The following ELP4 variants were observed in gnomAD, a reference collection of about 807,000 sequenced individuals.
The protein encoded by ELP4 is elongator acetyltransferase complex subunit 4, also known as elongator complex protein 4.
Under a neutral mutation model 48.9 loss-of-function variants are expected in ELP4, and 51 were observed. That is an observed-to-expected ratio of 1.04 (90% CI 0.83 to 1.32). ELP4 has a LOEUF of 1.32. ELP4 is among the 40% of genes most tolerant of loss of function. The pLI is 0.00. For missense variants in ELP4, 519 were observed against 514.6 expected, an observed-to-expected ratio of 1.01 and a Z score of -0.08; for synonymous variants, 210 against 189.2, an observed-to-expected ratio of 1.11 and a Z score of -0.90.
At chr11:31,653,418 T>A (rs1945363304) in intron 9 of ELP4, 1 of 151,782 alleles carries the variant, frequency 6.6e-6, no homozygotes, top group Non-Finnish European at 1.5e-5. Context: ...CGAATTTACC[T>A]AACCTTGCCT....
At chr11:31,512,822 C>G (rs1592071207) in intron 1 of ELP4, among the ~76,000 whole-genome samples, 1 of 145,062 alleles carries the variant, frequency 6.9e-6, no homozygotes, top group South Asian at 2.3e-4. Flanking sequence ...CCACCCAACC[C>G]CATTCCCTGT....
At chr11:31,597,566 A>G (rs1174160901) in intron 4 of ELP4, among the ~76,000 whole-genome samples, 8 of 150,784 alleles carry the variant, frequency 5.3e-5, no homozygotes, top group African/African-American at 1.9e-4. Context: ...TAATTTTTCT[A>G]TTGCTGTGTC....
chr11:31,647,792 C>T lies in ELP4; in HGVS notation c.979C>T (p.Leu327=). Residue 327 remains leucine (L), a synonymous_variant, in exon 8 of 10, where the codon CTG becomes TTG. Coordinates refer to ENST00000640961, the MANE Select transcript of ELP4 (RefSeq NM_019040.5). ...VTTLSDVVVG[L]ESFIGSERET... is the part of the protein sequence containing the mutation. ...AACCTTGTCAGATGTAGTAGTTGGTCTGGAATCATTTATTGGTTCTGAGAG... is the reference window on the plus strand; with the variant it reads ...AACCTTGTCAGATGTAGTAGTTGGTTTGGAATCATTTATTGGTTCTGAGAG... 1 of 1,609,720 alleles carries T rather than the reference C, an allele frequency of 6.2e-7. No individual in the cohort carries two copies. Among genetic ancestry groups the T allele is most frequent in the South Asian group, 1.1e-5 (1 of 90,952 alleles).
intron 9 of ELP4, chr11:31,767,626 T>C (rs1300091652): frequency 1.3e-5 from 2 of 152,208 alleles, no homozygotes; most frequent in Non-Finnish European, 2.9e-5. Flanking sequence ...CATTTATCTA[T>C]ATACTCACAA....
In ELP4 at chr11:31,788,615, A is replaced by G. The variant is rs940334280; in HGVS notation, c.*5091A>G. On this transcript the variant is annotated 3_prime_UTR_variant, in exon 10 of 10. Transcript: ENST00000640961. ...TGAAAATGCCAGTCCTAATTCAAAA[A>G]ACAATTCCTAGCTAATCGCTTGTTG... 1 of 219,918 alleles carries G rather than the reference A, an allele frequency of 4.5e-6. No homozygotes were observed. Among genetic ancestry groups the G allele is most frequent in the Non-Finnish European group, 9.1e-6 (1 of 109,520 alleles). 13.6% of individuals were successfully genotyped at this position (219,918 alleles called of 1,614,324 possible).
At chr11:31,778,747 C>A (rs1376773948) in intron 9 of ELP4, among the ~76,000 whole-genome samples, 1 of 152,222 alleles carries the variant, frequency 6.6e-6, no homozygotes, top group East Asian at 1.9e-4. Flanking sequence ...CTGTCACTCT[C>A]TGCCTCTGTG....
rs534139390 is a variant in ELP4 at position 31,783,570 on chromosome 11, T to C, written c.*46T>C. ...CATGCAGAATTCTATGACACTCTAA[T>C]TATGATTGCTAATAGCTTATGTAAA... On this transcript the variant is annotated 3_prime_UTR_variant, in exon 10 of 10. Coordinates refer to ENST00000640961, the MANE Select transcript of ELP4 (RefSeq NM_019040.5). The C allele has an allele frequency of 2.1e-4, 329 of 1,567,386 alleles. No homozygotes were observed. Among genetic ancestry groups the C allele is most frequent in the Non-Finnish European group, 2.6e-4 (297 of 1,146,818 alleles).
intron 9 of ELP4, among the ~76,000 whole-genome samples, chr11:31,754,350 A>G (rs1404460180): frequency 1.3e-5 from 2 of 152,000 alleles, no homozygotes; most frequent in Admixed American, 1.3e-4. Flanking sequence ...CTCACAACTC[A>G]TTCCCTAGCA....
chr11:31,542,429 G>A (rs990603497), intron 3 of ELP4, among the ~76,000 whole-genome samples: 11 of 152,182 alleles, frequency 7.2e-5, no homozygotes, highest in African/African-American at 2.7e-4. Flanking sequence ...ACGAGGAGAT[G>A]GCCTGAGGCT....
intron 9 of ELP4, among the ~76,000 whole-genome samples, chr11:31,746,404 T>C (rs1259922987): frequency 2.0e-5 from 3 of 152,154 alleles, no homozygotes; most frequent in Non-Finnish European, 4.4e-5. Flanking sequence ...ACCCAAAGGA[T>C]TATAAATCAT....
At chr11:31,701,731 T>C (rs948176072) in intron 9 of ELP4, among the ~76,000 whole-genome samples, 2 of 150,062 alleles carry the variant, frequency 1.3e-5, no homozygotes, top group Non-Finnish European at 3.0e-5. Flanking sequence ...TATACACACA[T>C]TATATATATT....
intron 3 of ELP4, among the ~76,000 whole-genome samples, chr11:31,554,190 A>C (rs1956895209): frequency 5.9e-5 from 9 of 152,294 alleles, no homozygotes; most frequent in Admixed American, 5.9e-4. Flanking sequence ...TCAGTGTAAT[A>C]ATGATAGAAA....
chr11:31,567,652 A>G (rs2996464), intron 3 of ELP4, among the ~76,000 whole-genome samples: 37,866 of 152,122 alleles, frequency 0.25, 5,254 homozygotes, highest in Non-Finnish European at 0.32. Context: ...ATATAAAGGC[A>G]TACCTTGGAG....
chr11:31,650,485 A>G (rs931257647), intron 9 of ELP4: 28 of 305,086 alleles, frequency 9.2e-5, no homozygotes, highest in African/African-American at 2.6e-4. Flanking sequence ...CATGATAAAT[A>G]TGATATGCAT....
chr11:31,739,338 A>G (rs532503387), intron 9 of ELP4, among the ~76,000 whole-genome samples: 1 of 152,292 alleles, frequency 6.6e-6, no homozygotes, highest in East Asian at 1.9e-4. Context: ...TTTATTATGG[A>G]TGTCAGAGGA....
intron 9 of ELP4, among the ~76,000 whole-genome samples, chr11:31,703,122 G>A (rs1207493117): frequency 2.6e-5 from 4 of 152,114 alleles, no homozygotes; most frequent in Non-Finnish European, 5.9e-5. Context: ...CTTTGTACTT[G>A]ACTTGCTAAG....
intron 9 of ELP4, among the ~76,000 whole-genome samples, chr11:31,760,835 A>C (rs1947929770): frequency 6.6e-6 from 1 of 152,220 alleles, no homozygotes; most frequent in South Asian, 2.1e-4. Context: ...TATGTTTCTG[A>C]GTGATCAGAT....
intron 3 of ELP4, among the ~76,000 whole-genome samples, chr11:31,594,523 G>A (rs775145692): frequency 6.6e-6 from 1 of 152,044 alleles, no homozygotes; most frequent in African/African-American, 2.4e-5. Flanking sequence ...ATTGATTTTT[G>A]TGAGTATAGA....
At chr11:31,697,966 A>T (rs572503505) in intron 9 of ELP4, among the ~76,000 whole-genome samples, 5 of 151,486 alleles carry the variant, frequency 3.3e-5, no homozygotes, top group East Asian at 1.9e-4. Context: ...CTTTTTTTTT[A>T]AAAGGATTTT....
Sources: allele counts gnomAD v4.1 joint callset (sites outside exome capture counted in the v4.1 genomes callset), GRCh38; gene constraint gnomAD v4.1.1; transcripts MANE v1.5; gene names NCBI Gene and HGNC (gene_info 2026-07-23, HGNC 2026-07-21).